Variants in EMC1 observed in about 807,000 individuals in gnomAD.
The protein encoded by EMC1 is KIAA0090.
A neutral mutation model predicts 128.8 loss-of-function variants in EMC1; 103 were observed. That is an observed-to-expected ratio of 0.80 (90% CI 0.68 to 0.94). The LOEUF is 0.94. Ranked by LOEUF, EMC1 falls within the 40% of genes least tolerant of loss-of-function variation. The probability of loss-of-function intolerance (pLI) is 0.00; values close to 1 mark genes in which losing one functional copy is unlikely to be tolerated. For missense variants in EMC1, 1,083 were observed against 1,250.6 expected (o/e 0.87, Z 2.02); for synonymous variants, 442 against 490.4 (o/e 0.90, Z 1.30).
chr1:19,233,247 A>G (rs1446356133), intron 13 of EMC1, 112 bp from the exon 14 acceptor site: 1 of 889,808 alleles, frequency 1.1e-6, no homozygotes, highest in Non-Finnish European at 1.7e-6. Flanking sequence ...TAAAGTCCAC[A>G]CTCTAGGCCA....
Position 19,217,634 on chromosome 1 carries a change from G to A in EMC1, c.*1669C>T, listed in dbSNP as rs2093403894. On this transcript the variant is annotated 3_prime_UTR_variant, in exon 23 of 23. Coordinates refer to ENST00000477853, the MANE Select transcript of EMC1 (RefSeq NM_015047.3). The stretch of plus-strand genomic sequence containing the variant: ...GCTTGTTTCAGATTCTGGCACACTG[G>A]TAAATAAAAACTAGAATCTTGCAGG... The A allele has an allele frequency of 6.6e-6, 1 of 152,190 alleles. No homozygotes were observed. Among genetic ancestry groups the A allele is most frequent in the Non-Finnish European group, 1.5e-5 (1 of 68,028 alleles). 9.4% of individuals were successfully genotyped at this position (152,190 alleles called of 1,614,324 possible).
intron 18 of EMC1, 69 bp downstream of exon 18, chr1:19,227,244 C>T: frequency 6.4e-7 from 1 of 1,568,964 alleles, no homozygotes; most frequent in South Asian, 1.1e-5. Context: ...GTCCTACAGC[C>T]AGACTTGAAG....
Position 19,218,974 on chromosome 1 carries a change from C to A in EMC1, c.*329G>T. On this transcript the variant is annotated 3_prime_UTR_variant, in exon 23 of 23. Coordinates refer to ENST00000477853, the MANE Select transcript of EMC1 (RefSeq NM_015047.3). ...TTAAACAGGCCTCACAAAAATCAGC[C>A]GGAATTCTTATTAAAAAAAACAAAA... 5.3e-6 allele frequency: 1 copy of A among 190,130 alleles called. No homozygotes were observed. Among genetic ancestry groups the A allele is most frequent in the Admixed American group, 5.9e-5 (1 of 17,020 alleles). The allele number at this position is 190,130 out of a possible 1,614,324, so 11.8% of individuals were successfully genotyped here.
At chr1:19,245,313 T>A (rs2093626828) in intron 1 of EMC1, among the ~76,000 whole-genome samples, 1 of 152,064 alleles carries the variant, frequency 6.6e-6, no homozygotes, top group South Asian at 2.1e-4. Flanking sequence ...TGGTGGCGCA[T>A]GCCTGTAATC....
At chr1:19,220,981 C>A in intron 20 of EMC1, 133 bp from the exon 21 acceptor site, 1 of 560,786 alleles carries the variant, frequency 1.8e-6, no homozygotes, top group Non-Finnish European at 3.3e-6. Context: ...CCTTACATAG[C>A]CAAAAATAAT....
chr1:19,242,251 G>T, intron 5 of EMC1, 94 bp downstream of exon 5: 1 of 1,377,610 alleles, frequency 7.3e-7, no homozygotes, highest in Non-Finnish European at 1.0e-6. Flanking sequence ...AGACAGGCCT[G>T]GGTTAAAGCA....
At chr1:19,244,268 A>C (rs2093621505) in intron 2 of EMC1, among the ~76,000 whole-genome samples, 2 of 152,230 alleles carry the variant, frequency 1.3e-5, no homozygotes, top group Non-Finnish European at 2.9e-5. Context: ...AATAAGATTA[A>C]TAAAATCCAT....
In EMC1 at chr1:19,251,402, C is replaced by A. The variant is rs749880929; in HGVS notation, c.95+13G>T. ...AGCCACTTATCTCTCGAATATGTTC[C>A]ACACGTACGCACCAATCAAACTTGC... On this transcript the variant is annotated intron_variant, in intron 1 of 22. Transcript: ENST00000477853. 1.2e-6 allele frequency: 2 copies of A among 1,612,002 alleles called. No homozygotes were observed. Among genetic ancestry groups the A allele is most frequent in the Non-Finnish European group, 1.7e-6 (2 of 1,178,092 alleles).
rs769321069 is a variant in EMC1, at chr1:19,239,983, A to T, written c.789T>A (p.Ser263=). 1.2e-6 allele frequency: 2 copies of T among 1,609,998 alleles called. No individual in the cohort carries two copies. The highest frequency in any genetic ancestry group is 3.4e-5 in the Admixed American group (2 of 59,614). Residue 263 remains serine, a splice_region_variant and synonymous_variant, in exon 8 of 23, where the codon TCT becomes TCA. Transcript: ENST00000477853. The part of the protein sequence containing the change: ...EWELRQIPLQ[S]LDLEFGSGFQ... ...ATCCACTTCCAAATTCTAAGTCGAG[A>T]GACTGGAAGGCAAGAAGGAGGAGGA...
chr1:19,231,138 G>A (rs2093518229), intron 16 of EMC1, 123 bp downstream of exon 16: 1 of 1,332,598 alleles, frequency 7.5e-7, no homozygotes, highest in South Asian at 1.4e-5. Flanking sequence ...TCTTCGGGAT[G>A]GCCTTAGAGC....
chr1:19,240,589 C>T (rs2093599753), intron 6 of EMC1, 143 bp from the exon 7 acceptor site: 1 of 869,160 alleles, frequency 1.2e-6, no homozygotes, highest in African/African-American at 1.7e-5. Flanking sequence ...GGAGTTCTTC[C>T]TGTCCCCTGA....
At chr1:19,231,987 C>CT (rs1458240684) in intron 15 of EMC1, among the ~76,000 whole-genome samples, 8 of 150,452 alleles carry the variant, frequency 5.3e-5, no homozygotes, top group Non-Finnish European at 1.0e-4. Flanking sequence ...CCTGGCCGGG[C>CT]GTGGTGGCTC....
At chr1:19,228,809 T>C (rs2093497841) in intron 17 of EMC1, among the ~76,000 whole-genome samples, 1 of 152,252 alleles carries the variant, frequency 6.6e-6, no homozygotes, top group Non-Finnish European at 1.5e-5. Flanking sequence ...CCCAGCACTT[T>C]CGGAGCCCGA....
At chr1:19,242,227 G>A in intron 5 of EMC1, 118 bp downstream of exon 5, 2 of 1,075,764 alleles carry the variant, frequency 1.9e-6, no homozygotes, top group Non-Finnish European at 2.8e-6. Flanking sequence ...CACACTCCAT[G>A]GAACACCAAC....
At chr1:19,246,399 A>G (rs1271022814) in intron 1 of EMC1, among the ~76,000 whole-genome samples, 1 of 152,152 alleles carries the variant, frequency 6.6e-6, no homozygotes, top group Admixed American at 6.6e-5. Context: ...CAAATAAATA[A>G]GTAAATAAAA....
chr1:19,249,249 C>G (rs990674483), intron 1 of EMC1, among the ~76,000 whole-genome samples: 13 of 147,852 alleles, frequency 8.8e-5, no homozygotes, highest in African/African-American at 2.4e-4. Flanking sequence ...TGTCCTAAGC[C>G]TTTACATTTA....
intron 1 of EMC1, among the ~76,000 whole-genome samples, chr1:19,248,695 G>A (rs2093642946): frequency 6.6e-6 from 1 of 152,166 alleles, no homozygotes; most frequent in Non-Finnish European, 1.5e-5. Flanking sequence ...TGGGATTATA[G>A]GCGTGAGCCA....
At position 19,220,838 on chromosome 1, in the gene EMC1, A is replaced by G; in HGVS notation, c.2598T>C (p.Pro866=). The G allele has an allele frequency of 6.2e-7, 1 of 1,613,480 alleles. No homozygotes were observed. The highest frequency in any genetic ancestry group is 8.5e-7 in the Non-Finnish European group (1 of 1,179,600). Residue 866 remains proline (P), a synonymous_variant, in exon 21 of 23, where the codon CCT becomes CCC. Transcript: ENST00000477853. The part of the protein sequence containing the change: ...ITSRHLLIGL[P]SGAILSLPKA... Reference sequence around the variant, plus strand: ...TAGGAAGGGAAAGAATTGCTCCAGAAGGTAGTCCAACTACACAGGAGGAAG... The same window carrying G: ...TAGGAAGGGAAAGAATTGCTCCAGAGGGTAGTCCAACTACACAGGAGGAAG...
intron 1 of EMC1, among the ~76,000 whole-genome samples, chr1:19,246,250 C>T (rs567883311): frequency 1.1e-4 from 17 of 151,882 alleles, no homozygotes; most frequent in African/African-American, 4.1e-4. Flanking sequence ...ATTAGCTGGG[C>T]GTGGTGGCAC....
Sources: allele counts gnomAD v4.1 joint callset (sites outside exome capture counted in the v4.1 genomes callset), GRCh38; gene constraint gnomAD v4.1.1; transcripts MANE v1.5; gene names NCBI Gene and HGNC (gene_info 2026-07-23, HGNC 2026-07-21).